The following PDZD2 variants were observed in gnomAD, a reference collection of about 807,000 sequenced individuals.
PDZD2 encodes PDZ domain containing 2, also known as PDZ domain-containing protein 2.
A neutral mutation model predicts 220.7 loss-of-function variants in PDZD2; 90 were observed. That is an observed-to-expected ratio of 0.41 (90% CI 0.34 to 0.49). PDZD2 has a LOEUF of 0.49. Among genes scored for constraint, PDZD2 ranks in the 20% least tolerant of loss-of-function variants. The probability of loss-of-function intolerance (pLI) is 0.28; values close to 1 mark genes in which losing one functional copy is unlikely to be tolerated. For synonymous variants in PDZD2, 1,375 were observed against 1,450.5 expected (o/e 0.95, Z 1.18); for missense variants, 3,174 against 3,608.5 (o/e 0.88, Z 3.08).
At chr5:31,714,991 G>A (rs887928076) in intron 1 of PDZD2, among the ~76,000 whole-genome samples, 8 of 151,188 alleles carry the variant, frequency 5.3e-5, no homozygotes, top group Non-Finnish European at 1.2e-4. Context: ...CCCTGGAGGC[G>A]GAGCTTACAG....
intron 1 of PDZD2, among the ~76,000 whole-genome samples, chr5:31,685,136 A>G (rs1449142056): frequency 6.6e-6 from 1 of 152,150 alleles, no homozygotes; most frequent in Admixed American, 6.5e-5. Flanking sequence ...CAATGCTTGT[A>G]AGAGCAGGCG....
At chr5:31,808,986 A>AT (rs1029055543) in intron 2 of PDZD2, among the ~76,000 whole-genome samples, 16 of 149,906 alleles carry the variant, frequency 1.1e-4, no homozygotes, top group African/African-American at 4.1e-4. Flanking sequence ...CTCAAAAAAA[A>AT]AAAAATAATA....
chr5:31,767,284 G>A (rs145760391), intron 1 of PDZD2, among the ~76,000 whole-genome samples: 9,111 of 151,066 alleles, frequency 0.06, 332 homozygotes, highest in Non-Finnish European at 0.087. Context: ...CACCCACCTC[G>A]GCCTCCCAAA....
At chr5:32,068,176 G>T (rs567065382) in intron 14 of PDZD2, among the ~76,000 whole-genome samples, 113 of 152,162 alleles carry the variant, frequency 7.4e-4, no homozygotes, top group African/African-American at 2.6e-3. Context: ...ATCTAAGCAT[G>T]AGGAAACTAT....
rs763958766 is a variant in PDZD2 at position 32,058,001 on chromosome 5, G to A, written c.2098G>A (p.Gly700Arg). The A allele has an allele frequency of 4.3e-6, 7 of 1,613,360 alleles. No homozygotes were observed. The East Asian group carries it at 1.1e-4, about 26-fold the overall frequency. Residue 700 changes from glycine to arginine, a missense_variant, in exon 12 of 25, where the codon GGA (glycine) becomes AGA (arginine). Physicochemically the swap from Gly to Arg is moderately radical, Grantham distance 125 (BLOSUM62 -2). Coordinates refer to ENST00000438447, the MANE Select transcript of PDZD2 (RefSeq NM_178140.4). ...CTCCCCGAACTTCAATACCAGTGGG[G>A]GAGCCTCAGCGGGAGGTTCCGATGA... ...SASPNFNTSG[G>R]ASAGGSDEGS...
At position 32,006,223 on chromosome 5, in the gene PDZD2, T is replaced by C. The variant is rs1295691992; in HGVS notation, c.1255-4107T>C. The stretch of plus-strand genomic sequence containing the variant: ...GCAAGAACTGGATAAATGTTTGCCT[T>C]ATGGTTATCACAGTTTATTACCTTT... On this transcript the variant is annotated intron_variant, in intron 5 of 24. Coordinates refer to ENST00000438447, the MANE Select transcript of PDZD2 (RefSeq NM_178140.4). Among the ~76,000 whole-genome samples the C allele has an allele frequency of 4.6e-5, 7 of 152,118 alleles. No individual in the cohort carries two copies. In the East Asian group the frequency reaches 1.2e-3, roughly 25 times the overall value.
intron 1 of PDZD2, among the ~76,000 whole-genome samples, chr5:31,644,597 A>G (rs1400173989): frequency 6.6e-6 from 1 of 152,204 alleles, no homozygotes; most frequent in Non-Finnish European, 1.5e-5. Flanking sequence ...AGCTCCAGGA[A>G]GAGGCCTACC....
chr5:32,057,776 T>C (rs771611385), intron 11 of PDZD2, 48 bp downstream of exon 11: 2 of 1,456,250 alleles, frequency 1.4e-6, no homozygotes, highest in Admixed American at 3.6e-5. Flanking sequence ...CCTTTCTTTA[T>C]TTCCTTCTGG....
chr5:31,920,660 A>G (rs1744164018), intron 2 of PDZD2, among the ~76,000 whole-genome samples: 1 of 151,682 alleles, frequency 6.6e-6, no homozygotes, highest in South Asian at 2.1e-4. Context: ...TTTTTTTTTT[A>G]AACGAACCAG....
intron 2 of PDZD2, among the ~76,000 whole-genome samples, chr5:31,821,120 G>A (rs1755817750): frequency 6.6e-6 from 1 of 151,572 alleles, no homozygotes; most frequent in Non-Finnish European, 1.5e-5. Flanking sequence ...CTGTCTCTGA[G>A]GCAAGTCTGA....
chr5:31,876,790 G>A (rs1402768299), intron 2 of PDZD2, among the ~76,000 whole-genome samples: 1 of 152,136 alleles, frequency 6.6e-6, no homozygotes, highest in African/African-American at 2.4e-5. Flanking sequence ...ATTGACTCTG[G>A]AGTCAGGCTA....
intron 5 of PDZD2, among the ~76,000 whole-genome samples, chr5:32,007,400 A>C (rs1752916054): frequency 6.6e-6 from 1 of 151,950 alleles, no homozygotes; most frequent in South Asian, 2.1e-4. Context: ...AAAAAAAAAA[A>C]ACACTCTTTT....
At chr5:32,001,939 G>T (rs753494529) in intron 5 of PDZD2, among the ~76,000 whole-genome samples, 1 of 152,146 alleles carries the variant, frequency 6.6e-6, no homozygotes, top group Non-Finnish European at 1.5e-5. Context: ...CAGCCGGGAA[G>T]GACAGGATGA....
chr5:32,064,857 A>T (rs1460493188), intron 14 of PDZD2, among the ~76,000 whole-genome samples: 2 of 151,888 alleles, frequency 1.3e-5, no homozygotes, highest in Non-Finnish European at 2.9e-5. Flanking sequence ...AATCCCAGGT[A>T]CTCAGGAGGC....
intron 2 of PDZD2, among the ~76,000 whole-genome samples, chr5:31,833,784 C>T (rs960621117): frequency 6.6e-6 from 1 of 152,242 alleles, no homozygotes; most frequent in South Asian, 2.1e-4. Context: ...AAGGCTGAGA[C>T]AATCTGGTGA....
chr5:32,004,659 A>G (rs1393168514), intron 5 of PDZD2, among the ~76,000 whole-genome samples: 1 of 152,234 alleles, frequency 6.6e-6, no homozygotes, highest in African/African-American at 2.4e-5. Context: ...AGTAGAAACC[A>G]GAATCAGGTT....
At chr5:32,021,643 C>A (rs1754212409) in intron 6 of PDZD2, among the ~76,000 whole-genome samples, 2 of 152,136 alleles carry the variant, frequency 1.3e-5, no homozygotes, top group Non-Finnish European at 2.9e-5. Flanking sequence ...AGTAGTCTCT[C>A]CTTTCTCTGA....
At chr5:32,100,452 G>C (rs955363407) in intron 23 of PDZD2, 10 of 236,016 alleles carry the variant, frequency 4.2e-5, no homozygotes, top group East Asian at 3.4e-4. Context: ...CCAGCACACA[G>C]AGCCGGCATC....
intron 15 of PDZD2, among the ~76,000 whole-genome samples, chr5:32,070,766 C>T (rs901565256): frequency 2.4e-4 from 36 of 152,366 alleles, no homozygotes; most frequent in African/African-American, 8.2e-4. Flanking sequence ...GAGGCCAAGG[C>T]GGGCAGATCA....
Sources: gnomAD v4.1 joint callset for allele counts (sites outside exome capture counted in the v4.1 genomes callset) on GRCh38, gnomAD v4.1.1 for gene constraint, MANE v1.5 for transcripts, NCBI Gene and HGNC (gene_info 2026-07-23, HGNC 2026-07-21) for gene names.